NOX3: variants seen among roughly 807,000 people sequenced by gnomAD.
NOX3 encodes NADPH oxidase catalytic subunit-like 3.
In NOX3, 74 loss-of-function variants were observed where a neutral mutation model predicts 76.7. The observed-to-expected ratio is 0.96, with a 90% CI of 0.80 to 1.17. NOX3 has a LOEUF of 1.17. Among genes scored for constraint, NOX3 ranks in the 50% most tolerant of loss-of-function variants. NOX3 has a pLI of 0.00. For synonymous variants in NOX3, 263 were observed against 261.1 expected, an observed-to-expected ratio of 1.01 and a Z score of -0.07; for missense variants, 695 against 703.3, an observed-to-expected ratio of 0.99 and a Z score of 0.13.
At chr6:155,426,207 A>G (rs1001371106) in intron 9 of NOX3, among the ~76,000 whole-genome samples, 15 of 152,188 alleles carry the variant, frequency 9.9e-5, no homozygotes, top group African/African-American at 3.4e-4. Context: ...GGGCGAAACA[A>G]ATTAGTGAAT....
chr6:155,455,655 A>C lies in NOX3; in HGVS notation c.48+98T>G, dbSNP rs1777204381. On this transcript the variant is annotated intron_variant, in intron 1 of 13. Transcript: ENST00000159060. ...AAGTTTTAGTCTTTTAACTAGAGTA[A>C]TACTTCAAGCTATTTAGCGTTCCTA... 3 of 858,236 alleles carry C rather than the reference A, an allele frequency of 3.5e-6. No individual in the cohort carries two copies. In the South Asian group the frequency reaches 4.7e-5, roughly 14 times the overall value. 53.2% of individuals were successfully genotyped at this position (858,236 alleles called of 1,614,324 possible).
rs1354563096 is a variant in NOX3 at position 155,428,848 on chromosome 6, A to G, written c.1091T>C (p.Leu364Pro). ...CTGTCCCTCTGCCCCAAAGGCCTCC[A>G]GTAGCGCTGCTGTCCAGTCTCCTGC... is the stretch of plus-strand genomic sequence containing the variant. Reference protein sequence around the residue: ...RAAGDWTAALLEAFGAEGQAL... With the variant: ...RAAGDWTAALPEAFGAEGQAL... The change falls in exon 9 of 14, where the codon CTG becomes CCG. Residue 364 changes from leucine (L) to proline (P), a missense_variant. Leu to Pro is a moderately conservative substitution (Grantham distance 98, BLOSUM62 -3). Transcript: ENST00000159060. 8 of 1,601,514 alleles carry G rather than the reference A, an allele frequency of 5.0e-6. No homozygotes were observed. The highest frequency in any genetic ancestry group is 6.8e-6 in the Non-Finnish European group (8 of 1,171,420).
chr6:155,396,330 A>G (rs1364497766), intron 13 of NOX3, among the ~76,000 whole-genome samples: 1 of 152,210 alleles, frequency 6.6e-6, no homozygotes, highest in Non-Finnish European at 1.5e-5. Flanking sequence ...GTTTGGATAT[A>G]AGGTGGGTGT....
At chr6:155,397,068 TA>T in intron 12 of NOX3, 106 bp from the exon 13 acceptor site, 1 of 1,078,062 alleles carries the variant, frequency 9.3e-7, no homozygotes, top group Non-Finnish European at 1.3e-6. Context: ...TTTACTTATT[TA>T]TTTTTCTCCC....
chr6:155,421,475 G>A (rs1005643047), intron 10 of NOX3, among the ~76,000 whole-genome samples: 4 of 152,278 alleles, frequency 2.6e-5, no homozygotes, highest in Non-Finnish European at 4.4e-5. Context: ...CACAGAATAC[G>A]AATTCTTGAT....
intron 9 of NOX3, among the ~76,000 whole-genome samples, chr6:155,426,490 G>T (rs1776756346): frequency 6.6e-6 from 1 of 152,202 alleles, no homozygotes; most frequent in African/African-American, 2.4e-5. Context: ...ACTGCTGGGG[G>T]TTGTTTCATG....
rs1332966635 is a variant in NOX3, at chr6:155,396,961, T to C, written c.1582A>G (p.Ser528Gly). The change falls in exon 13 of 14, where the codon AGC becomes GGC. Residue 528 changes from serine (S) to glycine (G), a missense_variant and splice_region_variant. Transcript: ENST00000159060. Reference protein sequence around the residue: ...FKQIAYNHPSSSIGVFFCGPK... With the variant: ...FKQIAYNHPSGSIGVFFCGPK... ...CCACAGAAGAACACGCCAATACTGCTGCTGCAGTAGGGGTAAGAAAAGGAA... is the reference window on the plus strand; with the variant it reads ...CCACAGAAGAACACGCCAATACTGCCGCTGCAGTAGGGGTAAGAAAAGGAA... 3.1e-6 allele frequency: 5 copies of C among 1,607,240 alleles called. No homozygotes were observed. In the African/African-American group the frequency reaches 6.7e-5, roughly 22 times the overall value.
At chr6:155,446,517 CAA>C (rs1239640564) in intron 4 of NOX3, among the ~76,000 whole-genome samples, 7 of 152,110 alleles carry the variant, frequency 4.6e-5, no homozygotes, top group African/African-American at 1.7e-4. Context: ...GACCAGTATT[CAA>C]AGAGTTAAGG....
chr6:155,398,958 A>G (rs1779176191), intron 12 of NOX3, among the ~76,000 whole-genome samples: 1 of 152,204 alleles, frequency 6.6e-6, no homozygotes, highest in South Asian at 2.1e-4. Flanking sequence ...TTCCCACGCG[A>G]TGGCTATTGG....
In NOX3 at chr6:155,451,781, C is replaced by T. The variant is rs542796671; in HGVS notation, c.340+1623G>A. 5.9e-5 allele frequency among the ~76,000 whole-genome samples: 9 copies of T among 151,978 alleles called. 1 individual carries two copies. In the East Asian group the frequency reaches 7.7e-4, roughly 13 times the overall value. Reference sequence around the variant, plus strand: ...CTGGGACTATAGGCATGCACCACCACGCCCAGCTAATATTTTTTGGATTTT... The same window carrying T: ...CTGGGACTATAGGCATGCACCACCATGCCCAGCTAATATTTTTTGGATTTT... On this transcript the variant is annotated intron_variant, in intron 4 of 13. Coordinates refer to ENST00000159060, the MANE Select transcript of NOX3 (RefSeq NM_015718.3).
chr6:155,427,926 G>A (rs1302347509), intron 9 of NOX3, among the ~76,000 whole-genome samples: 1 of 151,848 alleles, frequency 6.6e-6, no homozygotes, highest in Admixed American at 6.6e-5. Flanking sequence ...TTTGAAACAA[G>A]GTCTCACTCT....
Position 155,453,542 on chromosome 6 carries a change from T to A in NOX3, c.256-54A>T, listed in dbSNP as rs1777174007. The A allele has an allele frequency of 4.4e-6, 6 of 1,361,638 alleles. No individual in the cohort carries two copies. The African/African-American group carries it at 8.6e-5, about 19-fold the overall frequency. The allele number at this position is 1,361,638 out of a possible 1,614,324, so 84.3% of individuals were successfully genotyped here. The stretch of plus-strand genomic sequence containing the variant: ...TATGGAAAAATTGCAGTGAAAACAA[T>A]CTCATGAAAGTTAAGAGAGTAGGAA... On this transcript the variant is annotated intron_variant, in intron 3 of 13. Transcript: ENST00000159060.
At position 155,443,289 on chromosome 6, in the gene NOX3, A is replaced by G. The variant is rs1404256410; in HGVS notation, c.470T>C (p.Val157Ala). ...GGAACTCACTGTGGGGAAGGTCCGGACAGGGTTGAGGTAGCTCTCGTTAGG... is the reference window on the plus strand; with the variant it reads ...GGAACTCACTGTGGGGAAGGTCCGGGCAGGGTTGAGGTAGCTCTCGTTAGG... ...NTPNESYLNPVRTFPTNTTTE... is the reference protein window; with the variant it reads ...NTPNESYLNPARTFPTNTTTE... The change falls in exon 5 of 14, where the codon GTC (valine) becomes GCC (alanine). Residue 157 changes from valine to alanine, a missense_variant. Val to Ala is a moderately conservative substitution (Grantham distance 64). Transcript: ENST00000159060. 2 of 1,613,676 alleles carry G rather than the reference A, an allele frequency of 1.2e-6. No individual in the cohort carries two copies. The highest frequency in any genetic ancestry group is 1.3e-5 in the African/African-American group (1 of 74,910).
intron 10 of NOX3, among the ~76,000 whole-genome samples, chr6:155,415,356 C>T (rs1776610696): frequency 6.6e-6 from 1 of 152,206 alleles, no homozygotes; most frequent in Non-Finnish European, 1.5e-5. Flanking sequence ...CAGGCGATTA[C>T]ATCTCCAAAA....
Position 155,407,271 on chromosome 6 carries a change from G to A in NOX3, c.1456-17C>T, listed in dbSNP as rs766808137. On this transcript the variant is annotated splice_polypyrimidine_tract_variant and intron_variant, in intron 11 of 13. Transcript: ENST00000159060. ...GTGAAGAGCCTAAAGTAAATTTGTG[G>A]CATTAGATGACATTTAGAAAAAAAA... The A allele has an allele frequency of 3.8e-6, 6 of 1,597,702 alleles. No homozygotes were observed. The highest frequency in any genetic ancestry group is 4.3e-6 in the Non-Finnish European group (5 of 1,172,090).
intron 4 of NOX3, among the ~76,000 whole-genome samples, chr6:155,450,277 T>G (rs1411413794): frequency 2.6e-5 from 4 of 152,216 alleles, no homozygotes; most frequent in Non-Finnish European, 5.9e-5. Context: ...AGCACCCTGC[T>G]TTCTCTGGTT....
chr6:155,412,911 A>G (rs1208223771), intron 10 of NOX3, among the ~76,000 whole-genome samples: 2 of 152,232 alleles, frequency 1.3e-5, no homozygotes, highest in South Asian at 4.1e-4. Flanking sequence ...GATGATAGAT[A>G]AGTAGAATAT....
At chr6:155,398,681 C>T (rs1779172782) in intron 12 of NOX3, among the ~76,000 whole-genome samples, 1 of 152,178 alleles carries the variant, frequency 6.6e-6, no homozygotes, top group South Asian at 2.1e-4. Flanking sequence ...GAGTTTATGG[C>T]TTAATGAAGA....
rs535622536 is a variant in NOX3 at position 155,431,606 on chromosome 6, G to A, written c.799-671C>T. Reference sequence around the variant, plus strand: ...TATGTTAACTTTTGATGAGTATAATGTGCATTACTGATGATCAATTTACCA... The same window carrying A: ...TATGTTAACTTTTGATGAGTATAATATGCATTACTGATGATCAATTTACCA... On this transcript the variant is annotated intron_variant, in intron 7 of 13. Transcript: ENST00000159060. Among the ~76,000 whole-genome samples the A allele has an allele frequency of 1.4e-3, 209 of 152,266 alleles. 2 individuals are homozygous for A. Among genetic ancestry groups the A allele is most frequent in the African/African-American group, 4.8e-3 (199 of 41,532 alleles).
Sources: allele counts gnomAD v4.1 joint callset (sites outside exome capture counted in the v4.1 genomes callset), GRCh38; gene constraint gnomAD v4.1.1; transcripts MANE v1.5; gene names NCBI Gene and HGNC (gene_info 2026-07-23, HGNC 2026-07-21).